CACNA2D3: variants seen among roughly 807,000 people sequenced by gnomAD.
CACNA2D3 encodes calcium voltage-gated channel auxiliary subunit alpha2delta 3, also known as voltage-dependent calcium channel subunit alpha-2/delta-3.
In CACNA2D3, 60 loss-of-function variants were observed where a neutral mutation model predicts 160.6. The ratio of observed to expected loss-of-function variants is 0.37; its 90% CI spans 0.30 to 0.46. CACNA2D3 has a LOEUF of 0.46. CACNA2D3 is among the 20% of genes least tolerant of loss of function. The pLI is 1.00. For missense variants in CACNA2D3, 1,205 were observed against 1,365.0 expected, an observed-to-expected ratio of 0.88 and a Z score of 1.85; for synonymous variants, 558 against 492.9, an observed-to-expected ratio of 1.13 and a Z score of -1.75.
intron 11 of CACNA2D3, among the ~76,000 whole-genome samples, chr3:54,692,859 T>G (rs962490757): frequency 5.9e-5 from 9 of 152,222 alleles, no homozygotes; most frequent in African/African-American, 1.9e-4. Flanking sequence ...TCAAAAGTGG[T>G]AATCTATCAT....
chr3:55,017,976 A>C (rs1456274270), intron 34 of CACNA2D3, among the ~76,000 whole-genome samples: 1 of 152,214 alleles, frequency 6.6e-6, no homozygotes, highest in African/African-American at 2.4e-5. Flanking sequence ...CTTGTGATGC[A>C]TAAATGATAG....
At chr3:54,946,848 T>C (rs6781307) in intron 27 of CACNA2D3, among the ~76,000 whole-genome samples, 39,984 of 151,698 alleles carry the variant, frequency 0.26, 5,605 homozygotes, top group African/African-American at 0.35. Flanking sequence ...GACCATTTAG[T>C]CCCTGACTGA....
intron 11 of CACNA2D3, among the ~76,000 whole-genome samples, chr3:54,720,147 ATTTCC>A (rs1701143201): frequency 6.6e-6 from 1 of 151,388 alleles, no homozygotes; most frequent in Admixed American, 6.6e-5. Context: ...CTTATTTTTT[ATTTCC>A]TTTACTCCAC....
intron 14 of CACNA2D3, among the ~76,000 whole-genome samples, chr3:54,827,458 A>C (rs1395642060): frequency 2.0e-5 from 3 of 152,258 alleles, no homozygotes; most frequent in Non-Finnish European, 4.4e-5. Flanking sequence ...ATGTTAATGC[A>C]GGTCTGTTTG....
intron 2 of CACNA2D3, among the ~76,000 whole-genome samples, chr3:54,128,904 A>C (rs9844348): frequency 0.39 from 59,511 of 152,070 alleles, 11,880 homozygotes; most frequent in East Asian, 0.6. Flanking sequence ...CAAGAGACAT[A>C]ACGGCCTAGG....
intron 12 of CACNA2D3, among the ~76,000 whole-genome samples, chr3:54,759,957 G>A (rs1175534138): frequency 6.6e-6 from 1 of 152,214 alleles, no homozygotes; most frequent in Non-Finnish European, 1.5e-5. Context: ...CATGCTTTGG[G>A]CCATTGTGAG....
intron 3 of CACNA2D3, among the ~76,000 whole-genome samples, chr3:54,362,713 C>T (rs1698763608): frequency 6.6e-6 from 1 of 152,214 alleles, no homozygotes; most frequent in African/African-American, 2.4e-5. Context: ...GGTGCACTCC[C>T]ATTTTATAGT....
chr3:54,969,090 C>T (rs913018284), intron 28 of CACNA2D3, among the ~76,000 whole-genome samples: 8 of 152,002 alleles, frequency 5.3e-5, no homozygotes, highest in African/African-American at 1.9e-4. Flanking sequence ...GCTTATCATC[C>T]TTTAAATTAA....
chr3:54,533,177 A>G (rs1701831805), intron 5 of CACNA2D3, among the ~76,000 whole-genome samples: 1 of 152,040 alleles, frequency 6.6e-6, no homozygotes, highest in Non-Finnish European at 1.5e-5. Flanking sequence ...CTCATTCCTG[A>G]AAGCTTCTCA....
intron 35 of CACNA2D3, among the ~76,000 whole-genome samples, chr3:55,030,682 G>A (rs1250833247): frequency 5.9e-5 from 9 of 152,132 alleles, no homozygotes; most frequent in Non-Finnish European, 1.3e-4. Context: ...GTTCAATGAA[G>A]CATTTTACTG....
chr3:54,230,924 C>A (rs181796706), intron 2 of CACNA2D3, among the ~76,000 whole-genome samples: 31 of 152,274 alleles, frequency 2.0e-4, no homozygotes, highest in African/African-American at 7.2e-4. Flanking sequence ...TCTTTTTAAT[C>A]GTGTAAATGG....
At chr3:54,615,403 G>A (rs1698829010) in intron 9 of CACNA2D3, among the ~76,000 whole-genome samples, 1 of 152,190 alleles carries the variant, frequency 6.6e-6, no homozygotes. Context: ...AGAAGAACAT[G>A]TTAAATGACA....
At chr3:54,671,619 G>A (rs967246561) in intron 11 of CACNA2D3, among the ~76,000 whole-genome samples, 3 of 152,242 alleles carry the variant, frequency 2.0e-5, no homozygotes, top group Middle Eastern at 3.4e-3. Flanking sequence ...GGCCAGGTGA[G>A]GTTCGTGGTC....
At chr3:54,239,398 A>G (rs1426747006) in intron 2 of CACNA2D3, among the ~76,000 whole-genome samples, 3 of 152,250 alleles carry the variant, frequency 2.0e-5, no homozygotes, top group Non-Finnish European at 2.9e-5. Flanking sequence ...TAGAGATTTT[A>G]TAATTCAGAT....
intron 4 of CACNA2D3, among the ~76,000 whole-genome samples, chr3:54,430,618 A>G (rs1362159506): frequency 6.6e-6 from 1 of 152,144 alleles, no homozygotes; most frequent in Non-Finnish European, 1.5e-5. Flanking sequence ...TCCTTTGGAT[A>G]TGTCTAGGGT....
At chr3:54,462,199 A>G (rs143977137) in intron 4 of CACNA2D3, among the ~76,000 whole-genome samples, 2,939 of 152,210 alleles carry the variant, frequency 0.019, 75 homozygotes, top group East Asian at 0.1. Context: ...ACTTCCCAGT[A>G]TGTGGTCCAT....
chr3:54,159,848 C>A (rs1341777615), intron 2 of CACNA2D3, among the ~76,000 whole-genome samples: 2 of 152,108 alleles, frequency 1.3e-5, no homozygotes, highest in Non-Finnish European at 2.9e-5. Context: ...GAGACAAAAT[C>A]ATGAATAGGA....
intron 17 of CACNA2D3, among the ~76,000 whole-genome samples, chr3:54,870,602 G>T (rs528038163): frequency 6.6e-6 from 1 of 152,152 alleles, no homozygotes; most frequent in Non-Finnish European, 1.5e-5. Context: ...ACACAAGAAC[G>T]TCCGGTCGAT....
intron 9 of CACNA2D3, among the ~76,000 whole-genome samples, chr3:54,616,075 C>T (rs748968716): frequency 8.5e-5 from 13 of 152,164 alleles, no homozygotes; most frequent in Non-Finnish European, 1.2e-4. Flanking sequence ...GATTGTCTTC[C>T]GTGAAACCAG....
Sources: allele counts gnomAD v4.1 joint callset (sites outside exome capture counted in the v4.1 genomes callset), GRCh38; gene constraint gnomAD v4.1.1; transcripts MANE v1.5; gene names NCBI Gene and HGNC (gene_info 2026-07-23, HGNC 2026-07-21).